Variants in EPHX1 observed in about 807,000 individuals in gnomAD.
The protein encoded by EPHX1 is epoxide hydrolase 1, also known as epoxide hydratase.
EPHX1 carries 40 observed loss-of-function variants against 43.2 expected under a neutral mutation model. The observed-to-expected ratio is 0.93, with a 90% CI of 0.72 to 1.21. The LOEUF is 1.21. Among genes scored for constraint, EPHX1 ranks in the 50% most tolerant of loss-of-function variants. The pLI, the probability that EPHX1 is intolerant of heterozygous loss-of-function variation, is 0.00. For missense variants in EPHX1, 550 were observed against 570.4 expected (o/e 0.96, Z 0.36); for synonymous variants, 221 against 226.7 (o/e 0.98, Z 0.22).
chr1:225,833,005 A>T (rs1667702876), intron 3 of EPHX1, among the ~76,000 whole-genome samples: 1 of 152,176 alleles, frequency 6.6e-6, no homozygotes, highest in Non-Finnish European at 1.5e-5. Context: ...TTTCAGAGAC[A>T]AGGTCTTGCT....
At chr1:225,814,488 G>A (rs866532853) in intron 1 of EPHX1, among the ~76,000 whole-genome samples, 2 of 152,238 alleles carry the variant, frequency 1.3e-5, no homozygotes, top group Non-Finnish European at 2.9e-5. Context: ...TCCTCACAGC[G>A]GTTGGGGGTG....
intron 4 of EPHX1, 127 bp downstream of exon 4, chr1:225,839,008 C>T (rs974602031): frequency 7.5e-7 from 1 of 1,341,346 alleles, no homozygotes; most frequent in Admixed American, 1.9e-5. Flanking sequence ...AAAGGAGGGG[C>T]CTGAGAGGCC....
chr1:225,828,934 C>T (rs376462097), intron 2 of EPHX1, 22 bp downstream of exon 2: 30 of 1,554,904 alleles, frequency 1.9e-5, no homozygotes, highest in Middle Eastern at 1.9e-4. Flanking sequence ...TGGGCCGGGC[C>T]GGGCTGGGCA....
chr1:225,844,476 G>A (rs758506370), intron 7 of EPHX1, 22 bp from the exon 8 acceptor site: 12 of 1,614,030 alleles, frequency 7.4e-6, no homozygotes, highest in Admixed American at 1.7e-5. Flanking sequence ...TGAGAGTGGG[G>A]CTTTGTGTTC....
chr1:225,836,862 C>CT (rs1255300352), intron 3 of EPHX1, among the ~76,000 whole-genome samples: 1 of 152,174 alleles, frequency 6.6e-6, no homozygotes, highest in Non-Finnish European at 1.5e-5. Context: ...TAGAGATGGG[C>CT]TGTACAGCAG....
chr1:225,818,539 C>T (rs1231121105), intron 1 of EPHX1, among the ~76,000 whole-genome samples: 1 of 152,138 alleles, frequency 6.6e-6, no homozygotes, highest in East Asian at 1.9e-4. Flanking sequence ...CAGAGGGATT[C>T]GCCTTCATAA....
chr1:225,832,602 G>T (rs1026202060), intron 3 of EPHX1, among the ~76,000 whole-genome samples: 1 of 152,198 alleles, frequency 6.6e-6, no homozygotes, highest in Non-Finnish European at 1.5e-5. Context: ...GTAATTCTGC[G>T]TTTAATTTTC....
At chr1:225,822,615 G>A (rs749947705) in intron 1 of EPHX1, among the ~76,000 whole-genome samples, 2 of 152,224 alleles carry the variant, frequency 1.3e-5, no homozygotes, top group Non-Finnish European at 2.9e-5. Flanking sequence ...ATCAGCAGGA[G>A]CTGACCACAG....
chr1:225,842,585 A>G (rs1024934653), intron 7 of EPHX1, 111 bp downstream of exon 7: 9 of 840,324 alleles, frequency 1.1e-5, no homozygotes, highest in East Asian at 2.4e-5. Context: ...AGCAAATTCT[A>G]TTGTTGGCTT....
In EPHX1 at chr1:225,841,881, G is replaced by C. The variant is rs1230508441; in HGVS notation, c.932-485G>C. On this transcript the variant is annotated intron_variant, in intron 6 of 8. Coordinates refer to ENST00000272167, the MANE Select transcript of EPHX1 (RefSeq NM_001136018.4). ...ACCCTCCCAAAGTGCTGGGATTACAGGCATGAGCCAATGCCCCCAGCCTGT... is the reference window on the plus strand; with the variant it reads ...ACCCTCCCAAAGTGCTGGGATTACACGCATGAGCCAATGCCCCCAGCCTGT... 3.9e-5 allele frequency among the ~76,000 whole-genome samples: 6 copies of C among 152,218 alleles called. No homozygotes were observed. The South Asian group carries it at 1.2e-3, about 31-fold the overall frequency.
intron 1 of EPHX1, among the ~76,000 whole-genome samples, chr1:225,819,291 G>T (rs1033798978): frequency 5.3e-5 from 8 of 150,646 alleles, no homozygotes; most frequent in African/African-American, 2.0e-4. Flanking sequence ...TGTAGTCCCC[G>T]CTACTCAGGA....
chr1:225,834,097 CAAAAAAAAAA>C (rs377164975), intron 3 of EPHX1, among the ~76,000 whole-genome samples: 1 of 56,938 alleles, frequency 1.8e-5, no homozygotes, highest in African/African-American at 8.0e-5. Flanking sequence ...GACTCTGTCT[CAAAAAAAAAA>C]AAAAGAAAAA....
rs565426045 is a variant in EPHX1 at position 225,835,449 on chromosome 1, A to G, written c.365-3205A>G. On this transcript the variant is annotated intron_variant, in intron 3 of 8. Coordinates refer to ENST00000272167, the MANE Select transcript of EPHX1 (RefSeq NM_001136018.4). The stretch of plus-strand genomic sequence containing the variant: ...CTGTCACCCAGGCTGGAGTGCAGTG[A>G]CGCAATCTCGACTCACTGCAAGCTC... 3.3e-3 allele frequency among the ~76,000 whole-genome samples: 451 copies of G among 138,578 alleles called. 1 individual carries two copies. Among genetic ancestry groups the G allele is most frequent in the Non-Finnish European group, 5.1e-3 (340 of 66,494 alleles). 90.9% of individuals were successfully genotyped at this position (138,578 alleles called of 152,430 possible). A position where few individuals can be genotyped will look rare whatever the true frequency, so the allele number is the denominator to read the frequency against.
At chr1:225,816,942 G>A (rs947612131) in intron 1 of EPHX1, among the ~76,000 whole-genome samples, 8 of 152,216 alleles carry the variant, frequency 5.3e-5, no homozygotes, top group African/African-American at 7.2e-5. Context: ...CACAGAGGGC[G>A]ATATGCCCCA....
chr1:225,821,348 C>T (rs1461703684), intron 1 of EPHX1, among the ~76,000 whole-genome samples: 4 of 151,736 alleles, frequency 2.6e-5, no homozygotes, highest in Non-Finnish European at 4.4e-5. Context: ...CAGGTTCAAG[C>T]GATTCTTCTG....
intron 3 of EPHX1, among the ~76,000 whole-genome samples, chr1:225,836,338 A>C (rs537367930): frequency 4.6e-5 from 7 of 152,258 alleles, no homozygotes; most frequent in Non-Finnish European, 1.0e-4. Context: ...TCACGCCAGT[A>C]ATCCCAACAC....
chr1:225,839,366 G>GGTGTTTGT lies in EPHX1; in HGVS notation c.722+24_722+25insTTGTGTGT. Reference sequence around the variant, plus strand: ...GCCCAGGTGAGGTCACTGTTGGGGTGGTGTGTGTGTGTGTGTGTGTGTGTG... The same window carrying GGTGTTTGT: ...GCCCAGGTGAGGTCACTGTTGGGGTGGTGTTTGTGTGTGTGTGTGTGTGTGTGTGTGTG... On this transcript the variant is annotated intron_variant, in intron 5 of 8. Coordinates refer to ENST00000272167, the MANE Select transcript of EPHX1 (RefSeq NM_001136018.4). 6.4e-7 allele frequency: 1 copy of GGTGTTTGT among 1,559,614 alleles called. No homozygotes were observed. The highest frequency in any genetic ancestry group is 8.7e-7 in the Non-Finnish European group (1 of 1,153,446).
At chr1:225,844,455 GC>G (rs56122788) in intron 7 of EPHX1, 42 bp from the exon 8 acceptor site, 68,312 of 1,613,560 alleles carry the variant, frequency 0.042, 1,617 homozygotes, top group Middle Eastern at 0.064. Flanking sequence ...TCACACAACT[GC>G]ATGTGGCACT....
Position 225,826,224 on chromosome 1 carries a change from A to AAC in EPHX1, c.-5-2500_-5-2499insCA, listed in dbSNP as rs1232021608. Among the ~76,000 whole-genome samples the AAC allele has an allele frequency of 3.3e-5, 5 of 152,122 alleles. No individual in the cohort carries two copies. The East Asian group carries it at 9.7e-4, about 29-fold the overall frequency. ...CGTGCCTCTAATCTCATCACTTTGGAAAGCCGAGGTGGGCGGATCGCTGGA... is the reference window on the plus strand; with the variant it reads ...CGTGCCTCTAATCTCATCACTTTGGAACAAGCCGAGGTGGGCGGATCGCTGGA... On this transcript the variant is annotated intron_variant, in intron 1 of 8. Transcript: ENST00000272167.
Sources: gnomAD v4.1 joint callset for allele counts (sites outside exome capture counted in the v4.1 genomes callset) on GRCh38, gnomAD v4.1.1 for gene constraint, MANE v1.5 for transcripts, NCBI Gene and HGNC (gene_info 2026-07-23, HGNC 2026-07-21) for gene names.